Variants in SCD5 observed in about 807,000 individuals in gnomAD.
SCD5 encodes stearoyl-CoA desaturase 5, also known as acyl-CoA-desaturase 4.
In SCD5, 20 loss-of-function variants were observed where a neutral mutation model predicts 30.4. That is an observed-to-expected ratio of 0.66 (90% CI 0.46 to 0.96). The LOEUF is 0.96. Ranked by LOEUF, SCD5 falls within the 40% of genes least tolerant of loss-of-function variation. SCD5 has a pLI of 0.00. For synonymous variants in SCD5, 173 were observed against 176.4 expected, an observed-to-expected ratio of 0.98 and a Z score of 0.16; for missense variants, 381 against 443.3, an observed-to-expected ratio of 0.86 and a Z score of 1.26.
intron 1 of SCD5, among the ~76,000 whole-genome samples, chr4:82,774,041 A>T (rs932542995): frequency 1.3e-5 from 2 of 151,494 alleles, no homozygotes; most frequent in Non-Finnish European, 1.5e-5. Context: ...GTGATCCAAG[A>T]TCATGCCACT....
chr4:82,742,794 T>C (rs1720905418), intron 1 of SCD5, among the ~76,000 whole-genome samples: 1 of 152,108 alleles, frequency 6.6e-6, no homozygotes, highest in African/African-American at 2.4e-5. Flanking sequence ...TGCATCTTTA[T>C]ATGTCCAGAC....
At chr4:82,720,146 AC>A (rs1381189235) in intron 1 of SCD5, among the ~76,000 whole-genome samples, 1 of 152,088 alleles carries the variant, frequency 6.6e-6, no homozygotes, top group Non-Finnish European at 1.5e-5. Context: ...TAAAAGAGAA[AC>A]GGCCAGGCAC....
chr4:82,687,475 C>G (rs1227079464), intron 2 of SCD5, among the ~76,000 whole-genome samples: 1 of 152,222 alleles, frequency 6.6e-6, no homozygotes, highest in African/African-American at 2.4e-5. Context: ...AACAACCCAG[C>G]TTCTCCTCGA....
chr4:82,740,426 T>C (rs1447908961), intron 1 of SCD5, among the ~76,000 whole-genome samples: 1 of 152,200 alleles, frequency 6.6e-6, no homozygotes, highest in Non-Finnish European at 1.5e-5. Context: ...GGTTTGGGTA[T>C]TATGGAGCCA....
At chr4:82,729,481 C>G (rs1302539156) in intron 1 of SCD5, among the ~76,000 whole-genome samples, 1 of 152,126 alleles carries the variant, frequency 6.6e-6, no homozygotes. Flanking sequence ...CACCCTCCCC[C>G]CGGCATCTCC....
chr4:82,670,428 G>A (rs1471454156), intron 3 of SCD5, among the ~76,000 whole-genome samples: 1 of 152,096 alleles, frequency 6.6e-6, no homozygotes, highest in Non-Finnish European at 1.5e-5. Flanking sequence ...AAGAATCTCT[G>A]AGTTTGACGA....
At chr4:82,763,180 A>G (rs1721415457) in intron 1 of SCD5, among the ~76,000 whole-genome samples, 1 of 152,192 alleles carries the variant, frequency 6.6e-6, no homozygotes, top group South Asian at 2.1e-4. Context: ...GTACCTCAGA[A>G]TGTGACTGTT....
chr4:82,700,761 T>C (rs1719811435), intron 2 of SCD5, among the ~76,000 whole-genome samples: 1 of 123,168 alleles, frequency 8.1e-6, no homozygotes, highest in South Asian at 2.8e-4. Flanking sequence ...CACTCCAGCC[T>C]GGGTGACGGA....
intron 3 of SCD5, among the ~76,000 whole-genome samples, chr4:82,651,204 GAC>G (rs1727744318): frequency 6.6e-6 from 1 of 152,210 alleles, no homozygotes; most frequent in Non-Finnish European, 1.5e-5. Flanking sequence ...CACTGACCAA[GAC>G]TCTTTGGACT....
At chr4:82,758,245 T>C (rs757792815) in intron 1 of SCD5, among the ~76,000 whole-genome samples, 4 of 152,190 alleles carry the variant, frequency 2.6e-5, no homozygotes, top group Non-Finnish European at 5.9e-5. Flanking sequence ...GGAAGATCAC[T>C]TGAGGCCAGG....
chr4:82,765,929 T>C (rs578220760), intron 1 of SCD5, among the ~76,000 whole-genome samples: 57 of 152,272 alleles, frequency 3.7e-4, no homozygotes, highest in African/African-American at 1.3e-3. Context: ...CCCCACCAAA[T>C]ATTTTTGATC....
chr4:82,645,343 A>G (rs1157430929), intron 3 of SCD5, among the ~76,000 whole-genome samples: 2 of 151,926 alleles, frequency 1.3e-5, no homozygotes, highest in African/African-American at 2.4e-5. Flanking sequence ...AGAAAGAGGA[A>G]GAACTAGAGG....
intron 3 of SCD5, among the ~76,000 whole-genome samples, chr4:82,653,707 T>TAG (rs34976357): frequency 0.061 from 3,743 of 61,554 alleles, 78 homozygotes; most frequent in South Asian, 0.23. Context: ...GATAGATAGA[T>TAG]ATAGATAGAT....
rs1722282248 is a variant in SCD5, at chr4:82,798,488, T to G, written c.50A>C (p.Lys17Thr). 1 of 1,611,492 alleles carries G rather than the reference T, an allele frequency of 6.2e-7. No individual in the cohort carries two copies. The highest frequency in any genetic ancestry group is 8.5e-7 in the Non-Finnish European group (1 of 1,178,990). ...TTCGAGCCCGGCACGGATTTCTTCCTTGGCGTCGCAGAAAGGGATCTTCCC... is the reference window on the plus strand; with the variant it reads ...TTCGAGCCCGGCACGGATTTCTTCCGTGGCGTCGCAGAAAGGGATCTTCCC... ...DAGKIPFCDAKEEIRAGLESS... is the reference protein window; with the variant it reads ...DAGKIPFCDATEEIRAGLESS... The change falls in exon 1 of 5, where the codon AAG becomes ACG. Residue 17 changes from lysine to threonine, a missense_variant. Lys to Thr is a moderately conservative substitution (Grantham distance 78). Coordinates refer to ENST00000319540, the MANE Select transcript of SCD5 (RefSeq NM_001037582.3).
intron 1 of SCD5, among the ~76,000 whole-genome samples, chr4:82,724,243 T>C (rs1223510501): frequency 6.6e-6 from 1 of 152,222 alleles, no homozygotes; most frequent in African/African-American, 2.4e-5. Context: ...CATCTTTCTC[T>C]TTTTAGGTCT....
intron 1 of SCD5, among the ~76,000 whole-genome samples, chr4:82,793,930 C>T (rs1294837722): frequency 2.6e-5 from 4 of 152,038 alleles, no homozygotes; most frequent in African/African-American, 9.7e-5. Flanking sequence ...TCCTCAACAA[C>T]CTGAGGGACT....
In SCD5 at chr4:82,710,878, CAA is replaced by C. The variant is rs1237197155; in HGVS notation, c.233-5467_233-5466del. Reference sequence around the variant, plus strand: ...AAAATGAGAGAGAGAGAAAACAAGACAAAGAGAAAACGAGACAGAGAGAGAGA... The same window carrying C: ...AAAATGAGAGAGAGAGAAAACAAGACAGAGAAAACGAGACAGAGAGAGAGA... On this transcript the variant is annotated intron_variant, in intron 1 of 4. Transcript: ENST00000319540. Among the ~76,000 whole-genome samples the C allele has an allele frequency of 2.6e-5, 3 of 117,038 alleles. No individual in the cohort carries two copies. The South Asian group carries it at 1.0e-3, about 40-fold the overall frequency. 76.8% of individuals were successfully genotyped at this position (117,038 alleles called of 152,430 possible).
chr4:82,727,561 A>C (rs369577202), intron 1 of SCD5, among the ~76,000 whole-genome samples: 19 of 152,300 alleles, frequency 1.2e-4, no homozygotes, highest in Admixed American at 3.3e-4. Context: ...TCTTTTCAGA[A>C]GCAATGGTCT....
chr4:82,662,592 G>C (rs1410400599), intron 3 of SCD5, among the ~76,000 whole-genome samples: 1 of 151,744 alleles, frequency 6.6e-6, no homozygotes, highest in Non-Finnish European at 1.5e-5. Flanking sequence ...GGGTATGGTG[G>C]CTCATGCCTG....
Sources: gnomAD v4.1 joint callset for allele counts (sites outside exome capture counted in the v4.1 genomes callset) on GRCh38, gnomAD v4.1.1 for gene constraint, MANE v1.5 for transcripts, NCBI Gene and HGNC (gene_info 2026-07-23, HGNC 2026-07-21) for gene names.